The following SCRG1 variants were observed in gnomAD, a reference collection of about 807,000 sequenced individuals.
SCRG1 encodes stimulator of chondrogenesis 1.
A neutral mutation model predicts 7.7 loss-of-function variants in SCRG1; 3 were observed. The observed-to-expected ratio is 0.39, with a 90% CI of 0.18 to 1.01. The LOEUF (loss-of-function observed/expected upper bound fraction) is 1.01. Ranked by LOEUF, SCRG1 falls within the 50% of genes least tolerant of loss-of-function variation. The probability of loss-of-function intolerance (pLI) is 0.36; values close to 1 mark genes in which losing one functional copy is unlikely to be tolerated. For synonymous variants in SCRG1, 46 were observed against 41.2 expected, an observed-to-expected ratio of 1.12 and a Z score of -0.44; for missense variants, 110 against 117.2, an observed-to-expected ratio of 0.94 and a Z score of 0.28.
the SCRG1 span, among the ~76,000 whole-genome samples, chr4:173,454,323 AATG>A: frequency 6.6e-6 from 1 of 152,058 alleles, no homozygotes; most frequent in Non-Finnish European, 1.5e-5. Flanking sequence ...TTCCCACTGT[AATG>A]AGGAGGAATA....
At chr4:173,463,305 A>C in the SCRG1 span, among the ~76,000 whole-genome samples, 1 of 151,948 alleles carries the variant, frequency 6.6e-6, no homozygotes, top group Non-Finnish European at 1.5e-5. Context: ...AAGAAATCTC[A>C]CTCTGTTGCC....
At chr4:173,443,943 TTGTGTGTGTG>T in the SCRG1 span, among the ~76,000 whole-genome samples, 181 of 138,790 alleles carry the variant, frequency 1.3e-3, 1 homozygote, top group Middle Eastern at 0.023. Context: ...AGAGCTTGTT[TTGTGTGTGTG>T]TGTGTGTGTG....
At chr4:173,397,416 A>AAATT (rs1299300543) in intron 1 of SCRG1, among the ~76,000 whole-genome samples, 1 of 152,204 alleles carries the variant, frequency 6.6e-6, no homozygotes, top group African/African-American at 2.4e-5. Flanking sequence ...TACCTACTAA[A>AAATT]AATTAGAAGG....
At chr4:173,485,111 ATATAAT>A in the SCRG1 span, among the ~76,000 whole-genome samples, 7 of 54,298 alleles carry the variant, frequency 1.3e-4, 1 homozygote, top group African/African-American at 4.9e-4. Flanking sequence ...ATTATATATT[ATATAAT>A]ATATAATATA....
chr4:173,416,286 C>CA, the SCRG1 span, among the ~76,000 whole-genome samples: 1 of 152,266 alleles, frequency 6.6e-6, no homozygotes, highest in African/African-American at 2.4e-5. Flanking sequence ...TGCTCACTCC[C>CA]AACGCACGGC....
In SCRG1 at chr4:173,391,189, A is replaced by G; in HGVS notation, c.226T>C (p.Leu76=). The G allele has an allele frequency of 6.2e-7, 1 of 1,614,158 alleles. No individual in the cohort carries two copies. ...EMICYCNFSE[L]LCCPKDVFFG... is the part of the protein sequence containing the mutation. ...TTTCCTTACTTTGGGCAGCAGAGCA[A>G]TTCGCTGAAGTTGCAGTAACAGATC... Residue 76 remains leucine (L), a synonymous_variant, in exon 2 of 3, where the codon TTG becomes CTG. Coordinates refer to ENST00000296506, the MANE Select transcript of SCRG1 (RefSeq NM_007281.4).
the SCRG1 span, among the ~76,000 whole-genome samples, chr4:173,500,936 G>T: frequency 2.6e-5 from 4 of 152,244 alleles, no homozygotes; most frequent in Admixed American, 2.6e-4. Flanking sequence ...ATCCACTCGA[G>T]GTCTCTCCAG....
chr4:173,511,244 C>A, the SCRG1 span, among the ~76,000 whole-genome samples: 3 of 152,084 alleles, frequency 2.0e-5, no homozygotes, highest in Non-Finnish European at 2.9e-5. The surrounding 1 kb of genome is among the most constrained non-coding windows in gnomAD (Gnocchi z 5.2). Flanking sequence ...TCCCAAAGTG[C>A]TGGGATTACA....
At chr4:173,419,397 G>A in the SCRG1 span, 43 of 1,217,972 alleles carry the variant, frequency 3.5e-5, no homozygotes, top group African/African-American at 4.5e-5. Context: ...GGATTCTCTC[G>A]TACAGCAGCA....
chr4:173,463,493 C>T, the SCRG1 span, among the ~76,000 whole-genome samples: 1 of 152,038 alleles, frequency 6.6e-6, no homozygotes, highest in Admixed American at 6.6e-5. Context: ...AGGCCGGTCT[C>T]GAACTCCTGA....
the SCRG1 span, among the ~76,000 whole-genome samples, chr4:173,429,613 T>G: frequency 6.6e-6 from 1 of 152,210 alleles, no homozygotes. Context: ...ATTTTGAACC[T>G]TGTTCGTGAG....
At chr4:173,436,843 T>C in the SCRG1 span, among the ~76,000 whole-genome samples, 1 of 152,062 alleles carries the variant, frequency 6.6e-6, no homozygotes, top group African/African-American at 2.4e-5. Flanking sequence ...GTGTTTGGAT[T>C]TTCACTAATT....
chr4:173,388,742 G>A (rs1282629837), intron 2 of SCRG1, among the ~76,000 whole-genome samples: 2 of 152,162 alleles, frequency 1.3e-5, no homozygotes, highest in African/African-American at 2.4e-5. Flanking sequence ...GGAAACAGAA[G>A]ATTCAACATT....
At chr4:173,426,621 C>T in the SCRG1 span, among the ~76,000 whole-genome samples, 1 of 152,160 alleles carries the variant, frequency 6.6e-6, no homozygotes, top group Admixed American at 6.5e-5. Context: ...CTCCTCCACA[C>T]CCAGCTAACT....
At chr4:173,509,434 C>A in the SCRG1 span, among the ~76,000 whole-genome samples, 1 of 152,164 alleles carries the variant, frequency 6.6e-6, no homozygotes, top group East Asian at 1.9e-4. The surrounding 1 kb of genome is among the most constrained non-coding windows in gnomAD (Gnocchi z 5.7). Context: ...TGCGCGGGGT[C>A]GAGACGGTGT....
At chr4:173,510,797 G>A in the SCRG1 span, among the ~76,000 whole-genome samples, 2 of 152,092 alleles carry the variant, frequency 1.3e-5, no homozygotes, top group Non-Finnish European at 2.9e-5. This position sits in a 1 kb window ranked among gnomAD's most constrained non-coding sequence, Gnocchi z 5.7. Context: ...CAGGATCCAA[G>A]CAAAGTGCCT....
At chr4:173,396,057 C>G (rs927044525) in intron 1 of SCRG1, among the ~76,000 whole-genome samples, 3 of 152,092 alleles carry the variant, frequency 2.0e-5, no homozygotes, top group Non-Finnish European at 4.4e-5. Context: ...TAGAAGAAAA[C>G]AGGCTTTTGG....
chr4:173,507,013 G>A, the SCRG1 span, among the ~76,000 whole-genome samples: 2 of 152,192 alleles, frequency 1.3e-5, no homozygotes, highest in Non-Finnish European at 1.5e-5. The surrounding 1 kb of genome is among the most constrained non-coding windows in gnomAD (Gnocchi z 4.4). Flanking sequence ...GAGCAGCCCC[G>A]GAGCTCTCAG....
chr4:173,434,556 C>T, the SCRG1 span, among the ~76,000 whole-genome samples: 4 of 152,134 alleles, frequency 2.6e-5, no homozygotes, highest in Non-Finnish European at 5.9e-5. Context: ...AATTGCCGGG[C>T]GTGGTGGCTC....
Sources: gnomAD v4.1 joint callset for allele counts (sites outside exome capture counted in the v4.1 genomes callset) on GRCh38, gnomAD v4.1.1 for gene constraint, Gnocchi (gnomAD v3.1) non-coding constraint, MANE v1.5 for transcripts, NCBI Gene and HGNC (gene_info 2026-07-23, HGNC 2026-07-21) for gene names.